Variants in FECH observed in about 807,000 individuals in gnomAD.
The protein encoded by FECH is ferrochelatase, mitochondrial.
In FECH, 40 loss-of-function variants were observed where a neutral mutation model predicts 56.9. The ratio of observed to expected loss-of-function variants is 0.70; its 90% CI spans 0.55 to 0.92. FECH has a LOEUF of 0.92. FECH is among the 40% of genes least tolerant of loss of function. The pLI is 0.00. For synonymous variants in FECH, 175 were observed against 198.6 expected (o/e 0.88, Z 1.00); for missense variants, 431 against 529.1 (o/e 0.81, Z 1.82).
intron 7 of FECH, among the ~76,000 whole-genome samples, chr18:57,558,637 G>A (rs1275309404): frequency 1.3e-5 from 2 of 152,156 alleles, no homozygotes; most frequent in Non-Finnish European, 2.9e-5. Flanking sequence ...AAGAAAAGAG[G>A]AGCTGGGTGT....
At chr18:57,581,486 A>G (rs1163183343) in intron 1 of FECH, among the ~76,000 whole-genome samples, 1 of 152,114 alleles carries the variant, frequency 6.6e-6, no homozygotes, top group Non-Finnish European at 1.5e-5. Context: ...CCCATTCTCA[A>G]ACCAGCCGGT....
intron 10 of FECH, 110 bp downstream of exon 10, chr18:57,551,205 T>C: frequency 3.7e-6 from 3 of 820,022 alleles, no homozygotes; most frequent in Non-Finnish European, 6.0e-6. Context: ...TTGTAATTAA[T>C]TGGAACTCCA....
intron 9 of FECH, among the ~76,000 whole-genome samples, chr18:57,553,350 G>A (rs867001668): frequency 2.6e-5 from 4 of 152,086 alleles, no homozygotes; most frequent in African/African-American, 4.8e-5. Flanking sequence ...CAAATTCCAC[G>A]GGGATCAGGT....
intron 2 of FECH, among the ~76,000 whole-genome samples, chr18:57,579,390 A>G (rs2051241585): frequency 6.6e-6 from 1 of 151,974 alleles, no homozygotes; most frequent in Non-Finnish European, 1.5e-5. Flanking sequence ...AATAGGTCCC[A>G]GCTACTTTCT....
At chr18:57,566,683 G>A in intron 4 of FECH, 102 bp from the exon 5 acceptor site, 1 of 1,432,524 alleles carries the variant, frequency 7.0e-7, no homozygotes, top group Non-Finnish European at 9.7e-7. Flanking sequence ...AACAGTTCAT[G>A]TAATTTCCTA....
At chr18:57,567,166 C>T (rs2051029578) in intron 4 of FECH, among the ~76,000 whole-genome samples, 1 of 151,996 alleles carries the variant, frequency 6.6e-6, no homozygotes, top group Admixed American at 6.6e-5. Context: ...CAGGCCACCT[C>T]GTTTATATAA....
At chr18:57,551,166 C>A in intron 10 of FECH, 149 bp downstream of exon 10, 2 of 689,556 alleles carry the variant, frequency 2.9e-6, no homozygotes, top group Non-Finnish European at 5.0e-6. Flanking sequence ...GGAAAAAAGA[C>A]TGAGCAGATA....
chr18:57,545,961 G>A lies in FECH; in HGVS notation c.*4751C>T, dbSNP rs1263061132. Among the ~76,000 whole-genome samples, 1 of 152,096 alleles carries A rather than the reference G, an allele frequency of 6.6e-6. No individual in the cohort carries two copies. Among genetic ancestry groups the A allele is most frequent in the Non-Finnish European group, 1.5e-5 (1 of 68,030 alleles). On this transcript the variant is annotated 3_prime_UTR_variant, in exon 11 of 11. Transcript: ENST00000262093. ...GACAGTTGTCCTTCTATATTGGCAG[G>A]GAATTGGTTCCAGGATCCCCCACAG... is the stretch of plus-strand genomic sequence containing the variant.
rs1331103597 is a variant in FECH at position 57,548,596 on chromosome 18, T to C, written c.*2116A>G. The C allele has an allele frequency of 6.6e-6, 1 of 152,204 alleles. No homozygotes were observed. The highest frequency in any genetic ancestry group is 1.5e-5 in the Non-Finnish European group (1 of 68,038). The allele number at this position is 152,204 out of a possible 1,614,324, so 9.4% of individuals were successfully genotyped here. A position where few individuals can be genotyped will look rare whatever the true frequency, so the allele number is the denominator to read the frequency against. Reference sequence around the variant, plus strand: ...CCAACAGGATGACAATTCTCAAAGCTCTAAAAAGATTTTGTCCTACCAAAC... The same window carrying C: ...CCAACAGGATGACAATTCTCAAAGCCCTAAAAAGATTTTGTCCTACCAAAC... On this transcript the variant is annotated 3_prime_UTR_variant, in exon 11 of 11. Coordinates refer to ENST00000262093, the MANE Select transcript of FECH (RefSeq NM_000140.5).
At chr18:57,556,024 G>C (rs987404545) in intron 7 of FECH, among the ~76,000 whole-genome samples, 1 of 152,206 alleles carries the variant, frequency 6.6e-6, no homozygotes, top group Admixed American at 6.5e-5. Context: ...AGCTACTCAG[G>C]AGGCTGAGGC....
chr18:57,581,924 C>A (rs983877983), intron 1 of FECH, among the ~76,000 whole-genome samples: 14 of 152,058 alleles, frequency 9.2e-5, no homozygotes, highest in African/African-American at 2.9e-4. Context: ...TCAGCTTATG[C>A]TGAATAATCT....
chr18:57,582,566 C>T (rs971057429), intron 1 of FECH, among the ~76,000 whole-genome samples: 26 of 150,944 alleles, frequency 1.7e-4, no homozygotes, highest in African/African-American at 6.3e-4. Flanking sequence ...CATTTGGGGG[C>T]AGCCTGGGCA....
At chr18:57,563,599 A>AAAAAAG (rs2050976093) in intron 5 of FECH, among the ~76,000 whole-genome samples, 1 of 151,046 alleles carries the variant, frequency 6.6e-6, no homozygotes, top group African/African-American at 2.4e-5. Flanking sequence ...AAAAAAAAAA[A>AAAAAAG]AAAAAGTATG....
chr18:57,580,051 G>T, intron 2 of FECH, 22 bp downstream of exon 2: 1 of 1,613,720 alleles, frequency 6.2e-7, no homozygotes, highest in Non-Finnish European at 8.5e-7. Context: ...ATTCTTATTT[G>T]TACCTGATGT....
At position 57,546,072 on chromosome 18, in the gene FECH, C is replaced by T. The variant is rs1014831682; in HGVS notation, c.*4640G>A. 3.9e-5 allele frequency among the ~76,000 whole-genome samples: 6 copies of T among 152,086 alleles called. No individual in the cohort carries two copies. Among genetic ancestry groups the T allele is most frequent in the East Asian group, 1.9e-4 (1 of 5,188 alleles). On this transcript the variant is annotated 3_prime_UTR_variant, in exon 11 of 11. Coordinates refer to ENST00000262093, the MANE Select transcript of FECH (RefSeq NM_000140.5). ...AATCTTAATTTAGGGCATTAGTTTCCGGGTGAGCTCAGAATTTTCTTATTC... is the reference window on the plus strand; with the variant it reads ...AATCTTAATTTAGGGCATTAGTTTCTGGGTGAGCTCAGAATTTTCTTATTC...
At chr18:57,586,529 C>T (rs1403131966) in intron 1 of FECH, 25 bp downstream of exon 1, 4 of 1,518,500 alleles carry the variant, frequency 2.6e-6, no homozygotes, top group Non-Finnish European at 3.5e-6. Flanking sequence ...CTGGCCCTGG[C>T]GGCCGCCGCG....
At chr18:57,579,873 A>G (rs183872941) in intron 2 of FECH, among the ~76,000 whole-genome samples, 200 bp downstream of exon 2, 1 of 152,314 alleles carries the variant, frequency 6.6e-6, no homozygotes, top group East Asian at 1.9e-4. Flanking sequence ...GTCTTTTAAC[A>G]ATAGCCCTGT....
intron 6 of FECH, among the ~76,000 whole-genome samples, chr18:57,561,331 T>C (rs1465088703): frequency 2.6e-5 from 4 of 152,248 alleles, no homozygotes; most frequent in Non-Finnish European, 5.9e-5. Context: ...TTTCCAAAAA[T>C]GTCATATCGT....
chr18:57,577,266 G>A (rs192255714), intron 2 of FECH, among the ~76,000 whole-genome samples: 9 of 152,246 alleles, frequency 5.9e-5, no homozygotes, highest in African/African-American at 1.4e-4. Context: ...GCCTGTTTTT[G>A]TAAATAAAGT....
Sources: gnomAD v4.1 joint callset for allele counts (sites outside exome capture counted in the v4.1 genomes callset) on GRCh38, gnomAD v4.1.1 for gene constraint, MANE v1.5 for transcripts, NCBI Gene and HGNC (gene_info 2026-07-23, HGNC 2026-07-21) for gene names.